The following EXOC4 variants were observed in gnomAD, a reference collection of about 807,000 sequenced individuals.
EXOC4 encodes the protein SEC8-like 1.
In EXOC4, 71 loss-of-function variants were observed where a neutral mutation model predicts 107.2. The observed-to-expected ratio is 0.66, with a 90% confidence interval of 0.55 to 0.81. The LOEUF is 0.81. Among genes scored for constraint, EXOC4 ranks in the 30% least tolerant of loss-of-function variants. The pLI is 0.00. For synonymous variants in EXOC4, 456 were observed against 441.2 expected (o/e 1.03, Z -0.42); for missense variants, 1,108 against 1,189.6 (o/e 0.93, Z 1.01).
At chr7:134,070,668 C>A (rs1233217909), downstream of EXOC4, among the ~76,000 whole-genome samples, 2 of 152,064 alleles carry the variant, frequency 1.3e-5, no homozygotes, top group African/African-American at 4.8e-5. Context: ...ATTGCCAGGA[C>A]ATTTACACAC....
chr7:133,583,674 A>G (rs372959425), intron 9 of EXOC4, among the ~76,000 whole-genome samples: 1 of 152,342 alleles, frequency 6.6e-6, no homozygotes, highest in Admixed American at 6.5e-5. Flanking sequence ...GGAGAAAAAA[A>G]AGTGAGAGGT....
intron 7 of EXOC4, among the ~76,000 whole-genome samples, chr7:133,460,574 G>C (rs1378135253): frequency 6.6e-6 from 1 of 152,124 alleles, no homozygotes; most frequent in Admixed American, 6.6e-5. Flanking sequence ...ACCTATTGTA[G>C]ATGTGGAAAT....
At chr7:133,645,086 C>CTTT (rs35058872) in intron 10 of EXOC4, among the ~76,000 whole-genome samples, 21 of 123,966 alleles carry the variant, frequency 1.7e-4, no homozygotes, top group Admixed American at 2.6e-4. Context: ...CTTCTGCCAC[C>CTTT]TTTTTTTTTT....
At chr7:133,408,914 A>G (rs374076063) in intron 7 of EXOC4, among the ~76,000 whole-genome samples, 1 of 152,230 alleles carries the variant, frequency 6.6e-6, no homozygotes, top group Non-Finnish European at 1.5e-5. Flanking sequence ...TCAGTATCCA[A>G]CAATTTATTT....
chr7:133,558,185 C>CCTTCTCTTTT (rs1432009987), intron 9 of EXOC4, among the ~76,000 whole-genome samples: 1 of 91,418 alleles, frequency 1.1e-5, no homozygotes, highest in Non-Finnish European at 2.4e-5. Context: ...TATTTTGGTT[C>CCTTCTCTTTT]CTTCTCTTTT....
chr7:134,013,413 A>C (rs985406455), intron 17 of EXOC4, among the ~76,000 whole-genome samples: 1 of 152,230 alleles, frequency 6.6e-6, no homozygotes, highest in Admixed American at 6.5e-5. Flanking sequence ...CTGAAAAACT[A>C]TCACAGCCAA....
chr7:133,834,945 G>T (rs190884487), intron 11 of EXOC4, among the ~76,000 whole-genome samples: 1 of 152,072 alleles, frequency 6.6e-6, no homozygotes, highest in African/African-American at 2.4e-5. Context: ...TGAGTCTCAC[G>T]AGATCTGATG....
intron 11 of EXOC4, among the ~76,000 whole-genome samples, chr7:133,883,988 C>T (rs1466293844): frequency 6.6e-6 from 1 of 152,218 alleles, no homozygotes; most frequent in East Asian, 1.9e-4. Context: ...TTACAGCCAG[C>T]TACAGCTTAG....
intron 9 of EXOC4, among the ~76,000 whole-genome samples, chr7:133,511,645 G>A (rs1799770937): frequency 6.6e-6 from 1 of 152,120 alleles, no homozygotes; most frequent in Admixed American, 6.6e-5. Context: ...ACATATTCTG[G>A]TTCCCTTAAG....
intron 13 of EXOC4, among the ~76,000 whole-genome samples, chr7:133,920,260 A>G (rs575116980): frequency 5.3e-5 from 8 of 152,256 alleles, no homozygotes; most frequent in Admixed American, 4.6e-4. Flanking sequence ...TAAGAGTTAT[A>G]TGTATATTTT....
At chr7:133,475,769 A>C (rs1209391610) in intron 8 of EXOC4, among the ~76,000 whole-genome samples, 1 of 152,216 alleles carries the variant, frequency 6.6e-6, no homozygotes, top group Non-Finnish European at 1.5e-5. Flanking sequence ...GGGGAATTTT[A>C]TATGAAATGA....
intron 17 of EXOC4, among the ~76,000 whole-genome samples, chr7:134,020,091 C>T (rs1282363798): frequency 1.3e-5 from 2 of 152,210 alleles, no homozygotes; most frequent in African/African-American, 4.8e-5. Flanking sequence ...TCATCAACAG[C>T]ACTGAGCAGC....
chr7:133,289,825 C>T (rs996902008), intron 3 of EXOC4, among the ~76,000 whole-genome samples: 2 of 152,180 alleles, frequency 1.3e-5, no homozygotes, highest in Admixed American at 6.5e-5. Flanking sequence ...CACCCAGTCC[C>T]ACTTCCATCT....
chr7:133,866,020 C>G (rs1197163964), intron 11 of EXOC4, among the ~76,000 whole-genome samples: 1 of 152,100 alleles, frequency 6.6e-6, no homozygotes, highest in Non-Finnish European at 1.5e-5. Flanking sequence ...CTTCTTTCAA[C>G]TAATATTTAT....
chr7:133,915,435 T>C (rs1799787051), intron 12 of EXOC4, among the ~76,000 whole-genome samples: 2 of 151,854 alleles, frequency 1.3e-5, no homozygotes, highest in Non-Finnish European at 2.9e-5. Flanking sequence ...GGGTAGGAGG[T>C]CAAATATTTG....
chr7:133,983,777 G>T (rs1453209078), intron 14 of EXOC4, among the ~76,000 whole-genome samples: 1 of 152,018 alleles, frequency 6.6e-6, no homozygotes, highest in African/African-American at 2.4e-5. Context: ...TTGATGCAGG[G>T]TTTTACAGAA....
intron 11 of EXOC4, among the ~76,000 whole-genome samples, chr7:133,855,074 TATATCTAA>T (rs1306696281): frequency 1.1e-5 from 1 of 92,966 alleles, no homozygotes; most frequent in Non-Finnish European, 1.9e-5. Flanking sequence ...TATATCTAAA[TATATCTAA>T]ATATATATAA....
Position 133,881,264 on chromosome 7 carries a change from C to A in EXOC4, c.1735-14335C>A, listed in dbSNP as rs576354039. On this transcript the variant is annotated intron_variant, in intron 11 of 17. Transcript: ENST00000253861. ...CTCCCACCTGATCACGCATACATAC[C>A]CCCCCAACCCCACTCCCCCACATAC... Among the ~76,000 whole-genome samples the A allele has an allele frequency of 5.9e-5, 9 of 151,482 alleles. No individual in the cohort carries two copies. The South Asian group carries it at 1.9e-3, about 32-fold the overall frequency.
chr7:133,523,282 T>G (rs1360846855), intron 9 of EXOC4, among the ~76,000 whole-genome samples: 2 of 152,168 alleles, frequency 1.3e-5, no homozygotes, highest in Non-Finnish European at 2.9e-5. Flanking sequence ...AGGATTTAAG[T>G]ATATTAATGG....
Sources: allele counts gnomAD v4.1 joint callset (sites outside exome capture counted in the v4.1 genomes callset), GRCh38; gene constraint gnomAD v4.1.1; transcripts MANE v1.5; gene names NCBI Gene and HGNC (gene_info 2026-07-23, HGNC 2026-07-21).